The following ADAMTS17 variants were observed in gnomAD, a reference collection of about 807,000 sequenced individuals.
ADAMTS17 encodes the protein ADAM metallopeptidase with thrombospondin type 1 motif 17, also known as A disintegrin and metalloproteinase with thrombospondin motifs 17.
Under a neutral mutation model 141.5 loss-of-function variants are expected in ADAMTS17, and 113 were observed. That is an observed-to-expected ratio of 0.80 (90% confidence interval 0.69 to 0.93). The LOEUF (loss-of-function observed/expected upper bound fraction) is 0.93. ADAMTS17 is among the 40% of genes least tolerant of loss of function. The pLI is 0.00. For synonymous variants in ADAMTS17, 768 were observed against 630.6 expected (o/e 1.22, Z -3.27); for missense variants, 1,659 against 1,517.9 (o/e 1.09, Z -1.54).
intron 13 of ADAMTS17, among the ~76,000 whole-genome samples, chr15:100,113,844 A>G (rs1170048215): frequency 6.6e-6 from 1 of 152,206 alleles, no homozygotes; most frequent in Non-Finnish European, 1.5e-5. Flanking sequence ...CGTGCCAGGC[A>G]GGAGGCGCTG....
At chr15:100,231,453 T>A (rs2042478327) in intron 7 of ADAMTS17, among the ~76,000 whole-genome samples, 1 of 152,174 alleles carries the variant, frequency 6.6e-6, no homozygotes, top group Non-Finnish European at 1.5e-5. Context: ...CACAGGAACA[T>A]CAGCACCTCC....
At chr15:100,305,766 C>G (rs2045202942) in intron 3 of ADAMTS17, 1 of 152,346 alleles carries the variant, frequency 6.6e-6, no homozygotes, top group Non-Finnish European at 1.5e-5. Flanking sequence ...CACCTGTAAT[C>G]CCAGCACTTT....
At chr15:100,250,080 T>TA (rs1257932099) in intron 7 of ADAMTS17, among the ~76,000 whole-genome samples, 5 of 152,152 alleles carry the variant, frequency 3.3e-5, no homozygotes, top group Admixed American at 2.6e-4. Flanking sequence ...TACCACAGTA[T>TA]AAAAAAGCAC....
chr15:100,197,828 AC>A (rs1567336052), intron 8 of ADAMTS17, among the ~76,000 whole-genome samples: 1 of 152,212 alleles, frequency 6.6e-6, no homozygotes, highest in African/African-American at 2.4e-5. Flanking sequence ...CAAAACAACA[AC>A]AAAAACATGC....
chr15:100,263,764 G>A (rs1323203117), intron 4 of ADAMTS17, among the ~76,000 whole-genome samples: 2 of 152,200 alleles, frequency 1.3e-5, no homozygotes, highest in Non-Finnish European at 2.9e-5. Context: ...TATTCTACTT[G>A]GTTTTTACCT....
intron 18 of ADAMTS17, among the ~76,000 whole-genome samples, chr15:100,039,691 G>A (rs572609445): frequency 2.5e-4 from 38 of 152,112 alleles, no homozygotes; most frequent in Non-Finnish European, 4.1e-4. Context: ...TGTTCCATGT[G>A]CAAATTCTGC....
At chr15:100,318,730 T>C (rs191545232) in intron 3 of ADAMTS17, among the ~76,000 whole-genome samples, 3 of 152,168 alleles carry the variant, frequency 2.0e-5, no homozygotes, top group Non-Finnish European at 4.4e-5. Context: ...TGAAGAAATC[T>C]CACGCCTGTA....
chr15:100,138,786 G>C (rs528839695), intron 10 of ADAMTS17, among the ~76,000 whole-genome samples: 46 of 152,190 alleles, frequency 3.0e-4, no homozygotes. Context: ...TTAGGGGCGG[G>C]AGGCAGTGTT....
At chr15:100,241,630 C>T (rs1300047907) in intron 7 of ADAMTS17, among the ~76,000 whole-genome samples, 1 of 152,164 alleles carries the variant, frequency 6.6e-6, no homozygotes, top group African/African-American at 2.4e-5. Context: ...GGATGCTGGG[C>T]CAGGCCTAGA....
chr15:99,977,836 T>C (rs2060397340), intron 20 of ADAMTS17, among the ~76,000 whole-genome samples: 1 of 152,056 alleles, frequency 6.6e-6, no homozygotes, highest in Non-Finnish European at 1.5e-5. Flanking sequence ...CTTGGAATGG[T>C]CTCTTCTCCC....
chr15:100,096,235 G>A (rs1239789017), intron 15 of ADAMTS17, 121 bp downstream of exon 15: 3 of 1,513,036 alleles, frequency 2.0e-6, no homozygotes, highest in South Asian at 1.2e-5. Context: ...TGAAGTTCCA[G>A]GTCACCTATC....
intron 15 of ADAMTS17, among the ~76,000 whole-genome samples, chr15:100,091,010 CAAA>C (rs556800178): frequency 1.8e-5 from 1 of 54,594 alleles, no homozygotes; most frequent in Non-Finnish European, 3.7e-5. Context: ...TCCGTCTCAA[CAAA>C]AAAAAAAAAA....
At chr15:100,272,486 A>G (rs1340360894) in intron 4 of ADAMTS17, among the ~76,000 whole-genome samples, 1 of 150,574 alleles carries the variant, frequency 6.6e-6, no homozygotes, top group East Asian at 1.9e-4. Flanking sequence ...TTTTCTTTTC[A>G]GATTATTGTT....
At position 100,053,829 on chromosome 15, in the gene ADAMTS17, G is replaced by A. The variant is rs1480714957; in HGVS notation, c.2295+68C>T. 2.7e-5 allele frequency: 43 copies of A among 1,612,820 alleles called. No individual in the cohort carries two copies. The East Asian group carries it at 9.6e-4, about 36-fold the overall frequency. On this transcript the variant is annotated intron_variant, in intron 16 of 21. Transcript: ENST00000268070. The stretch of plus-strand genomic sequence containing the variant: ...CCGAGGTCCCAGGCAGAAGTAAACT[G>A]GAAAGTAACCTAGTAGACCTCTCGG...
intron 7 of ADAMTS17, among the ~76,000 whole-genome samples, chr15:100,235,649 C>G (rs529632048): frequency 6.6e-6 from 1 of 152,308 alleles, no homozygotes; most frequent in South Asian, 2.1e-4. Context: ...ATGCTGTGGT[C>G]TGGGATCACC....
intron 8 of ADAMTS17, among the ~76,000 whole-genome samples, chr15:100,159,354 A>T (rs980586773): frequency 5.9e-5 from 9 of 152,244 alleles, no homozygotes; most frequent in Non-Finnish European, 1.3e-4. Context: ...AGGTGAAATC[A>T]GCTTTTTATT....
At chr15:100,108,182 T>A (rs7165754) in intron 14 of ADAMTS17, among the ~76,000 whole-genome samples, 30,569 of 151,428 alleles carry the variant, frequency 0.2, 5,213 homozygotes, top group African/African-American at 0.47. Flanking sequence ...CCTTTTTTTT[T>A]TCCCCCCGAG....
chr15:100,119,561 T>G lies in ADAMTS17; in HGVS notation c.1722-2548A>C, dbSNP rs1164525528. Among the ~76,000 whole-genome samples the G allele has an allele frequency of 2.6e-4, 39 of 152,216 alleles. 1 individual carries two copies. The highest frequency in any genetic ancestry group is 2.6e-3 in the Admixed American group (39 of 15,288). On this transcript the variant is annotated intron_variant, in intron 12 of 21. Coordinates refer to ENST00000268070, the MANE Select transcript of ADAMTS17 (RefSeq NM_139057.4). ...TTCCTCGCCTTTCCAGTAGCTGATT[T>G]CTCCAGTTTTACATCTGCCTAACCC... is the stretch of plus-strand genomic sequence containing the variant.
intron 15 of ADAMTS17, among the ~76,000 whole-genome samples, chr15:100,080,700 A>C (rs567111266): frequency 6.6e-6 from 1 of 152,312 alleles, no homozygotes; most frequent in Non-Finnish European, 1.5e-5. Flanking sequence ...TTTTGCTAAA[A>C]ACATGTTTGT....
Sources: allele counts gnomAD v4.1 joint callset (sites outside exome capture counted in the v4.1 genomes callset), GRCh38; gene constraint gnomAD v4.1.1; transcripts MANE v1.5; gene names NCBI Gene and HGNC (gene_info 2026-07-23, HGNC 2026-07-21).